SCLT1: variants seen among roughly 807,000 people sequenced by gnomAD.
SCLT1 encodes the protein sodium channel-associated protein 1.
Under a neutral mutation model 112.8 loss-of-function variants are expected in SCLT1, and 78 were observed. The ratio of observed to expected loss-of-function variants is 0.69; its 90% confidence interval spans 0.58 to 0.83. SCLT1 has a LOEUF of 0.83. Ranked by LOEUF, SCLT1 falls within the 40% of genes least tolerant of loss-of-function variation. SCLT1 has a pLI of 0.00. For synonymous variants in SCLT1, 257 were observed against 254.7 expected, an observed-to-expected ratio of 1.01 and a Z score of -0.09; for missense variants, 747 against 770.4, an observed-to-expected ratio of 0.97 and a Z score of 0.36.
chr4:128,919,371 TAATGAG>T (rs1735707946), intron 18 of SCLT1, among the ~76,000 whole-genome samples: 2 of 152,040 alleles, frequency 1.3e-5, no homozygotes, highest in South Asian at 4.1e-4. Flanking sequence ...TATTTGAAAC[TAATGAG>T]AACAAAGATA....
intron 14 of SCLT1, chr4:128,952,447 T>C (rs1170793158): frequency 5.6e-5 from 27 of 485,676 alleles, no homozygotes; most frequent in Non-Finnish European, 5.7e-5. Context: ...CCCACTGTTA[T>C]ATATACTTTC....
intron 9 of SCLT1, among the ~76,000 whole-genome samples, chr4:128,986,730 T>C (rs139819442): frequency 8.5e-5 from 13 of 152,324 alleles, no homozygotes; most frequent in Non-Finnish European, 1.6e-4. Flanking sequence ...TCCACTCCTC[T>C]GATGGGATGG....
rs542456565 is a variant in SCLT1 at position 129,022,495 on chromosome 4, A to T, written c.290+16546T>A. Among the ~76,000 whole-genome samples the T allele has an allele frequency of 8.5e-5, 13 of 152,328 alleles. No individual in the cohort carries two copies. The East Asian group carries it at 2.5e-3, about 29-fold the overall frequency. ...AAAACACAGCACGAGAACTTAGTGA[A>T]GCATACAAAAGTATCAATAGCCAAA... On this transcript the variant is annotated intron_variant, in intron 5 of 20. Coordinates refer to ENST00000281142, the MANE Select transcript of SCLT1 (RefSeq NM_144643.4).
intron 18 of SCLT1, among the ~76,000 whole-genome samples, chr4:128,933,608 T>C (rs1337380602): frequency 6.6e-6 from 1 of 152,124 alleles, no homozygotes; most frequent in Non-Finnish European, 1.5e-5. Context: ...TCCTAGTTTC[T>C]TTTAGGAGAC....
intron 8 of SCLT1, among the ~76,000 whole-genome samples, chr4:128,997,615 C>T (rs1046179533): frequency 6.6e-6 from 1 of 151,826 alleles, no homozygotes; most frequent in African/African-American, 2.4e-5. Flanking sequence ...TCTTGAGGAA[C>T]TCACTGTCTA....
chr4:129,070,385 C>T (rs971327200), intron 2 of SCLT1, among the ~76,000 whole-genome samples: 1 of 151,686 alleles, frequency 6.6e-6, no homozygotes, highest in African/African-American at 2.4e-5. Flanking sequence ...CCATCTGGTC[C>T]TGGACTTTTT....
chr4:128,999,845 T>A lies in SCLT1; in HGVS notation c.427-51A>T, dbSNP rs769544993. On this transcript the variant is annotated intron_variant, in intron 6 of 20. Transcript: ENST00000281142. ...TAAATTATCAGCAGGCTATTTATTG[T>A]ATAGTACAAATGGATCATTTTCTTT... The A allele has an allele frequency of 6.0e-6, 8 of 1,343,976 alleles. No homozygotes were observed. The South Asian group carries it at 7.9e-5, about 13-fold the overall frequency. The allele number at this position is 1,343,976 out of a possible 1,614,324, so 83.3% of individuals were successfully genotyped here.
At chr4:129,013,147 CTCCTT>C (rs1038482328) in intron 5 of SCLT1, among the ~76,000 whole-genome samples, 25 of 152,180 alleles carry the variant, frequency 1.6e-4, no homozygotes, top group African/African-American at 5.5e-4. Context: ...CTCCCACCCT[CTCCTT>C]TCAAGTAGAT....
chr4:129,024,627 TA>T (rs1187591424), intron 5 of SCLT1, among the ~76,000 whole-genome samples: 1 of 152,106 alleles, frequency 6.6e-6, no homozygotes. Flanking sequence ...CTGGAAACTC[TA>T]AAAAGCAGAG....
At chr4:128,921,979 G>A (rs1015192827) in intron 18 of SCLT1, among the ~76,000 whole-genome samples, 2 of 152,082 alleles carry the variant, frequency 1.3e-5, no homozygotes, top group African/African-American at 4.8e-5. Flanking sequence ...ATTATAAAGT[G>A]GGCAAAGGAC....
At chr4:128,971,516 G>T (rs1206079349) in intron 9 of SCLT1, 1 of 152,138 alleles carries the variant, frequency 6.6e-6, no homozygotes, top group East Asian at 1.9e-4. Context: ...GATAATAACT[G>T]TGAATTAATA....
In SCLT1 at chr4:129,093,355, G is replaced by T; in HGVS notation, c.-252C>A. On this transcript the variant is annotated 5_prime_UTR_variant, in exon 1 of 21. Transcript: ENST00000281142. ...GACTCCACGTTCAACCGAATCCCAC[G>T]CTGGTGGGAAGAGGACGCGGTCGAT... The T allele has an allele frequency of 1.8e-6, 1 of 561,004 alleles. No individual in the cohort carries two copies. The allele number at this position is 561,004 out of a possible 1,614,324, so 34.8% of individuals were successfully genotyped here. A position where few individuals can be genotyped will look rare whatever the true frequency, so the allele number is the denominator to read the frequency against.
At chr4:128,997,293 GGAAA>G (rs1743093955) in intron 8 of SCLT1, 2 of 151,740 alleles carry the variant, frequency 1.3e-5, no homozygotes, top group African/African-American at 2.4e-5. Context: ...AATGAAGAAG[GGAAA>G]GAGAGAGGAA....
At chr4:129,005,937 A>G (rs1381970512) in intron 5 of SCLT1, among the ~76,000 whole-genome samples, 1 of 148,152 alleles carries the variant, frequency 6.7e-6, no homozygotes. Context: ...AACACCGCAT[A>G]TTCTCACTCA....
intron 2 of SCLT1, among the ~76,000 whole-genome samples, chr4:129,060,240 T>G (rs889701433): frequency 3.9e-5 from 6 of 152,228 alleles, no homozygotes; most frequent in African/African-American, 1.4e-4. Context: ...CTTTGTCTGA[T>G]TTCACTGAAT....
intron 18 of SCLT1, among the ~76,000 whole-genome samples, chr4:128,907,711 C>G (rs1271158293): frequency 6.7e-6 from 1 of 149,624 alleles, no homozygotes; most frequent in Non-Finnish European, 1.5e-5. Flanking sequence ...CTGTTTTTCT[C>G]TATCATAGAA....
chr4:128,925,777 T>C (rs978637455), intron 18 of SCLT1, among the ~76,000 whole-genome samples: 3 of 152,264 alleles, frequency 2.0e-5, no homozygotes, highest in Middle Eastern at 3.4e-3. Flanking sequence ...GTTTCATTTT[T>C]GGATGGTTTC....
chr4:129,063,610 C>T (rs1256942309), intron 2 of SCLT1, among the ~76,000 whole-genome samples: 1 of 152,320 alleles, frequency 6.6e-6, no homozygotes, highest in East Asian at 1.9e-4. Flanking sequence ...GAGTTGGAAT[C>T]ACCTGTGGGC....
chr4:129,074,372 G>T (rs1252145506), intron 2 of SCLT1, among the ~76,000 whole-genome samples: 1 of 152,024 alleles, frequency 6.6e-6, no homozygotes, highest in Non-Finnish European at 1.5e-5. Context: ...ATAATCCAAA[G>T]TAATTATAAA....
Sources: gnomAD v4.1 joint callset for allele counts (sites outside exome capture counted in the v4.1 genomes callset) on GRCh38, gnomAD v4.1.1 for gene constraint, MANE v1.5 for transcripts, NCBI Gene and HGNC (gene_info 2026-07-23, HGNC 2026-07-21) for gene names.